RSPO2: variants seen among roughly 807,000 people sequenced by gnomAD.
RSPO2 encodes the protein R-spondin 2, also known as R-spondin-2.
In RSPO2, 14 loss-of-function variants were observed where a neutral mutation model predicts 30.9. That is an observed-to-expected ratio of 0.45 (90% CI 0.30 to 0.71). The LOEUF is 0.71. Among genes scored for constraint, RSPO2 ranks in the 30% least tolerant of loss-of-function variants. The pLI is 0.08. For synonymous variants in RSPO2, 107 were observed against 96.4 expected (o/e 1.11, Z -0.64); for missense variants, 264 against 301.9 (o/e 0.87, Z 0.93).
At chr8:108,029,682 A>T (rs964002043) in intron 2 of RSPO2, among the ~76,000 whole-genome samples, 2 of 152,246 alleles carry the variant, frequency 1.3e-5, no homozygotes, top group Non-Finnish European at 2.9e-5. Context: ...GGGAAATAAA[A>T]GATGCACCAA....
At chr8:108,046,839 CAAATA>C (rs1291948967) in intron 2 of RSPO2, among the ~76,000 whole-genome samples, 2 of 152,182 alleles carry the variant, frequency 1.3e-5, no homozygotes, top group South Asian at 2.1e-4. Flanking sequence ...AGGTTTTCTA[CAAATA>C]AAATAAACCA....
intron 3 of RSPO2, among the ~76,000 whole-genome samples, chr8:107,965,195 AT>A (rs1209108507): frequency 1.3e-5 from 2 of 152,208 alleles, no homozygotes; most frequent in Non-Finnish European, 2.9e-5. Context: ...ATGCTTCTAA[AT>A]TACAGTGCCT....
chr8:108,026,290 A>T (rs1811214542), intron 2 of RSPO2, among the ~76,000 whole-genome samples: 1 of 152,214 alleles, frequency 6.6e-6, no homozygotes, highest in African/African-American at 2.4e-5. Flanking sequence ...AGAATAAAGT[A>T]TGACCACTAA....
intron 2 of RSPO2, among the ~76,000 whole-genome samples, chr8:108,080,547 A>G (rs1467148965): frequency 6.6e-6 from 1 of 152,186 alleles, no homozygotes; most frequent in Admixed American, 6.5e-5. Flanking sequence ...TCTGCTTCAG[A>G]TACCTAAGAA....
chr8:108,036,013 C>CAG, intron 2 of RSPO2, among the ~76,000 whole-genome samples: 1 of 151,980 alleles, frequency 6.6e-6, no homozygotes, highest in African/African-American at 2.4e-5. Context: ...ATACTGTCCT[C>CAG]CAAGTATTAG....
chr8:107,946,835 T>C (rs1813076135), intron 5 of RSPO2, among the ~76,000 whole-genome samples: 1 of 152,138 alleles, frequency 6.6e-6, no homozygotes, highest in African/African-American at 2.4e-5. Context: ...TAAAACCCCA[T>C]TTAAATTTCC....
At chr8:107,927,750 C>G (rs993595262) in intron 5 of RSPO2, among the ~76,000 whole-genome samples, 3 of 152,146 alleles carry the variant, frequency 2.0e-5, no homozygotes, top group African/African-American at 7.2e-5. Context: ...ATGAATCCCA[C>G]TTGATCATGG....
chr8:108,082,814 G>A lies in RSPO2; in HGVS notation c.-169-7C>T, dbSNP rs1813251906. ...GCATCTCTCCGCCACGAACCTGAGA[G>A]ACAAGAAGCGAAAACAGGGTGTGTG... On this transcript the variant is annotated splice_region_variant and splice_polypyrimidine_tract_variant and intron_variant, in intron 1 of 5. Transcript: ENST00000276659. 1.7e-6 allele frequency: 1 copy of A among 577,122 alleles called. No individual in the cohort carries two copies. The highest frequency in any genetic ancestry group is 3.1e-6 in the Non-Finnish European group (1 of 325,194). 35.8% of individuals were successfully genotyped at this position (577,122 alleles called of 1,614,324 possible).
intron 2 of RSPO2, among the ~76,000 whole-genome samples, chr8:108,066,974 C>A (rs1321743817): frequency 6.6e-6 from 1 of 152,102 alleles, no homozygotes; most frequent in East Asian, 1.9e-4. Context: ...AAAAGTTGAA[C>A]CTGAATCTAA....
chr8:107,931,854 G>T (rs1280220918), intron 5 of RSPO2, among the ~76,000 whole-genome samples: 1 of 152,160 alleles, frequency 6.6e-6, no homozygotes, highest in East Asian at 1.9e-4. Flanking sequence ...ATGGAGAGGG[G>T]ATTAAGAATG....
At chr8:108,057,626 T>G (rs1057503935) in intron 2 of RSPO2, among the ~76,000 whole-genome samples, 4 of 151,978 alleles carry the variant, frequency 2.6e-5, no homozygotes, top group African/African-American at 9.7e-5. Flanking sequence ...ATGACATCAA[T>G]GGCTGACCCC....
chr8:107,913,106 G>A (rs932393638), intron 5 of RSPO2, among the ~76,000 whole-genome samples: 47 of 152,114 alleles, frequency 3.1e-4, no homozygotes, highest in African/African-American at 1.1e-3. Context: ...CAAATTTTCA[G>A]AAGAATCTGA....
rs1203153065 is a variant in RSPO2, at chr8:108,061,980, A to C, written c.94+20565T>G. ...AAGGCAGAAATAAAGATGTTCTTTG[A>C]AACCAATGAGAACAAAGACACAACA... On this transcript the variant is annotated intron_variant, in intron 2 of 5. Transcript: ENST00000276659. Among the ~76,000 whole-genome samples the C allele has an allele frequency of 2.0e-5, 3 of 152,054 alleles. No individual in the cohort carries two copies. In the East Asian group the frequency reaches 5.8e-4, roughly 29 times the overall value.
chr8:107,908,793 A>G (rs1018470432), intron 5 of RSPO2, among the ~76,000 whole-genome samples: 3 of 152,214 alleles, frequency 2.0e-5, no homozygotes, highest in Non-Finnish European at 4.4e-5. Flanking sequence ...AAGAAGGAAA[A>G]TCTGCTATTC....
chr8:107,983,572 G>A, intron 3 of RSPO2: 2 of 1,600,480 alleles, frequency 1.2e-6, no homozygotes, highest in Non-Finnish European at 1.7e-6. Flanking sequence ...TGAGCCAGCA[G>A]AGCCATGTAT....
chr8:107,924,464 A>G (rs1380667724), intron 5 of RSPO2, among the ~76,000 whole-genome samples: 1 of 152,094 alleles, frequency 6.6e-6, no homozygotes, highest in Admixed American at 6.6e-5. Flanking sequence ...TGCAATTCCA[A>G]TAAAAATTCC....
chr8:107,990,976 A>T (rs956906244), intron 2 of RSPO2, among the ~76,000 whole-genome samples: 3 of 152,216 alleles, frequency 2.0e-5, no homozygotes, highest in Non-Finnish European at 4.4e-5. Context: ...CACGCCTGTA[A>T]TCCCAGCACT....
intron 2 of RSPO2, among the ~76,000 whole-genome samples, chr8:108,057,986 G>A (rs1435117122): frequency 6.6e-6 from 1 of 151,956 alleles, no homozygotes; most frequent in East Asian, 1.9e-4. Flanking sequence ...CTGCCTAATT[G>A]CCCTGGCCAG....
intron 5 of RSPO2, 116 bp downstream of exon 5, chr8:107,957,964 C>T: frequency 4.4e-6 from 3 of 687,512 alleles, no homozygotes; most frequent in South Asian, 2.6e-5. Flanking sequence ...ATCCCCTCAC[C>T]AATATTATTG....
Sources: allele counts gnomAD v4.1 joint callset (sites outside exome capture counted in the v4.1 genomes callset), GRCh38; gene constraint gnomAD v4.1.1; transcripts MANE v1.5; gene names NCBI Gene and HGNC (gene_info 2026-07-23, HGNC 2026-07-21).